Variants in ASXL3 observed in about 807,000 individuals in gnomAD.
ASXL3 encodes putative Polycomb group protein ASXL3.
ASXL3 carries 34 observed loss-of-function variants against 170.6 expected under a neutral mutation model. That is an observed-to-expected ratio of 0.20 (90% CI 0.15 to 0.27). ASXL3 has a LOEUF of 0.27. Ranked by LOEUF, ASXL3 falls within the 10% of genes least tolerant of loss-of-function variation. The probability of loss-of-function intolerance (pLI) is 1.00; values close to 1 mark genes in which losing one functional copy is unlikely to be tolerated. For missense variants in ASXL3, 2,592 were observed against 2,695.3 expected, an observed-to-expected ratio of 0.96 and a Z score of 0.85; for synonymous variants, 1,002 against 989.1, an observed-to-expected ratio of 1.01 and a Z score of -0.24.
intron 4 of ASXL3, among the ~76,000 whole-genome samples, chr18:33,650,672 A>C (rs895500634): frequency 6.6e-6 from 1 of 152,186 alleles, no homozygotes; most frequent in African/African-American, 2.4e-5. Context: ...GTGAATAGGC[A>C]CTTCACCAAA....
Position 33,709,330 on chromosome 18 carries a change from C to T in ASXL3, c.880-22638C>T, listed in dbSNP as rs935204801. Among the ~76,000 whole-genome samples the T allele has an allele frequency of 4.0e-5, 6 of 150,346 alleles. No homozygotes were observed. The South Asian group carries it at 1.3e-3, about 31-fold the overall frequency. ...AAAAAAAAAACAACAAAAACATGAG[C>T]AGAAAAGTTATAGCTATAGTGTTCA... is the stretch of plus-strand genomic sequence containing the variant. On this transcript the variant is annotated intron_variant, in intron 8 of 11. Transcript: ENST00000269197.
intron 2 of ASXL3, among the ~76,000 whole-genome samples, chr18:33,611,131 G>A (rs930380049): frequency 3.3e-5 from 5 of 151,938 alleles, no homozygotes; most frequent in African/African-American, 9.7e-5. Context: ...TTTTCATGTA[G>A]ACATGATAAA....
In ASXL3 at chr18:33,590,966, A is replaced by G. The variant is rs575144408; in HGVS notation, c.54+12281A>G. 8.5e-5 allele frequency among the ~76,000 whole-genome samples: 13 copies of G among 152,334 alleles called. No individual in the cohort carries two copies. The South Asian group carries it at 2.5e-3, about 29-fold the overall frequency. ...AAGTAAATATTTTTATTCACTGTCT[A>G]AAATGCCCAAGAAGAACCTTTATTG... On this transcript the variant is annotated intron_variant, in intron 1 of 11. Transcript: ENST00000269197.
chr18:33,674,399 T>C lies in ASXL3; in HGVS notation c.715+2533T>C, dbSNP rs143127328. Among the ~76,000 whole-genome samples, 322 of 152,318 alleles carry C rather than the reference T, an allele frequency of 2.1e-3. 3 individuals are homozygous for C. In the Middle Eastern group the frequency reaches 0.024, roughly 11 times the overall value. ...GAAGGTGAGATTTAAAATAAGCCAGTTGAAGTACAATTCTGTCAAAAATAA... is the reference window on the plus strand; with the variant it reads ...GAAGGTGAGATTTAAAATAAGCCAGCTGAAGTACAATTCTGTCAAAAATAA... On this transcript the variant is annotated intron_variant, in intron 7 of 11. Transcript: ENST00000269197.
chr18:33,612,330 G>A (rs1426459898), intron 2 of ASXL3, among the ~76,000 whole-genome samples: 1 of 152,022 alleles, frequency 6.6e-6, no homozygotes, highest in East Asian at 1.9e-4. Context: ...TTCATCAACT[G>A]TTTAAAGAGA....
At position 33,710,823 on chromosome 18, in the gene ASXL3, A is replaced by G. The variant is rs140939110; in HGVS notation, c.880-21145A>G. Among the ~76,000 whole-genome samples, 3 of 152,162 alleles carry G rather than the reference A, an allele frequency of 2.0e-5. No homozygotes were observed. The East Asian group carries it at 5.8e-4, about 29-fold the overall frequency. On this transcript the variant is annotated intron_variant, in intron 8 of 11. Coordinates refer to ENST00000269197, the MANE Select transcript of ASXL3 (RefSeq NM_030632.3). ...GTTAAAATATATGCACTTTCATTTC[A>G]CTTGATCATATTAAACTTCTAATTT...
intron 2 of ASXL3, among the ~76,000 whole-genome samples, chr18:33,613,983 A>G (rs1025455012): frequency 3.3e-5 from 5 of 152,096 alleles, no homozygotes; most frequent in African/African-American, 1.2e-4. Context: ...TTGCTGGTAG[A>G]GAGAGTCTTG....
chr18:33,579,834 G>A (rs1401909501), intron 1 of ASXL3, among the ~76,000 whole-genome samples: 7 of 152,036 alleles, frequency 4.6e-5, no homozygotes, highest in South Asian at 2.1e-4. Context: ...GGAGGGGGGA[G>A]CAGGACGTGT....
intron 2 of ASXL3, among the ~76,000 whole-genome samples, chr18:33,617,931 C>T (rs1052493040): frequency 6.6e-6 from 1 of 151,922 alleles, no homozygotes; most frequent in South Asian, 2.1e-4. Flanking sequence ...AATTTTTTTT[C>T]TAAGTGGAGC....
chr18:33,735,999 C>A (rs1415061068), intron 10 of ASXL3, among the ~76,000 whole-genome samples: 2 of 94,470 alleles, frequency 2.1e-5, no homozygotes, highest in South Asian at 6.2e-4. Context: ...AAGAGCTTTG[C>A]AAATATTTCA....
At chr18:33,604,704 T>C (rs1266598810) in intron 1 of ASXL3, among the ~76,000 whole-genome samples, 2 of 151,966 alleles carry the variant, frequency 1.3e-5, no homozygotes, top group Non-Finnish European at 2.9e-5. Flanking sequence ...GGGTCCAAGC[T>C]CTCTCATCTC....
At chr18:33,701,884 C>G (rs1021893861) in intron 8 of ASXL3, among the ~76,000 whole-genome samples, 1 of 151,862 alleles carries the variant, frequency 6.6e-6, no homozygotes, top group African/African-American at 2.4e-5. Flanking sequence ...ATGTCTGTTC[C>G]TTATTTAAAT....
Position 33,748,446 on chromosome 18 carries a change from G to A in ASXL3, c.*1851G>A, listed in dbSNP as rs955965602. ...AGAAAGAAAGAAAAGGCCTGCTGCT[G>A]TAGCCATGATTTTGGTGCTTCAGTA... On this transcript the variant is annotated 3_prime_UTR_variant, in exon 12 of 12. Transcript: ENST00000269197. 3 of 152,190 alleles carry A rather than the reference G, an allele frequency of 2.0e-5. No individual in the cohort carries two copies. Among genetic ancestry groups the A allele is most frequent in the African/African-American group, 7.2e-5 (3 of 41,438 alleles). 9.4% of individuals were successfully genotyped at this position (152,190 alleles called of 1,614,324 possible).
At chr18:33,690,670 TCTTA>T (rs2066672849) in intron 8 of ASXL3, among the ~76,000 whole-genome samples, 2 of 152,168 alleles carry the variant, frequency 1.3e-5, no homozygotes, top group African/African-American at 4.8e-5. Flanking sequence ...CATAGATGTC[TCTTA>T]CTTCTCCGAC....
At chr18:33,684,004 G>T (rs891477053) in intron 8 of ASXL3, among the ~76,000 whole-genome samples, 3 of 152,104 alleles carry the variant, frequency 2.0e-5, no homozygotes, top group Non-Finnish European at 4.4e-5. Context: ...CTCTCTGAGA[G>T]TCTATCAGTA....
Position 33,608,132 on chromosome 18 carries a change from T to C in ASXL3, c.137+456T>C, listed in dbSNP as rs544583210. On this transcript the variant is annotated intron_variant, in intron 2 of 11. Coordinates refer to ENST00000269197, the MANE Select transcript of ASXL3 (RefSeq NM_030632.3). ...GAACTCTACTTGGTGCATCCCGTAATAGCTGTTGAGCCTAATATTTATCCT... is the reference window on the plus strand; with the variant it reads ...GAACTCTACTTGGTGCATCCCGTAACAGCTGTTGAGCCTAATATTTATCCT... 1.2e-4 allele frequency among the ~76,000 whole-genome samples: 19 copies of C among 152,154 alleles called. No homozygotes were observed. In the South Asian group the frequency reaches 3.7e-3, roughly 30 times the overall value.
At chr18:33,697,832 T>G (rs2145318333) in intron 8 of ASXL3, among the ~76,000 whole-genome samples, 1 of 104,190 alleles carries the variant, frequency 9.6e-6, no homozygotes, top group Middle Eastern at 4.5e-3. Flanking sequence ...AATGAGACTC[T>G]GTCTCTCAAA....
chr18:33,734,446 C>G (rs746744856), intron 10 of ASXL3, 31 bp downstream of exon 10: 23 of 1,397,088 alleles, frequency 1.6e-5, no homozygotes, highest in Middle Eastern at 1.9e-4. Flanking sequence ...TCTCATTTCT[C>G]TGAGAAAGAA....
chr18:33,744,045 T>G lies in ASXL3; in HGVS notation c.4197T>G (p.Asp1399Glu), dbSNP rs373391251. The change falls in exon 12 of 12, where the codon GAT becomes GAG. Residue 1399 changes from aspartate to glutamate, a missense_variant. Transcript: ENST00000269197. ...TGAGAGCAGCCCTCAGCTGCAGTGA[T>G]TCTGTAGCGGTCACAGACTCTCTGG... Reference protein sequence around the residue: ...TTVRAALSCSDSVAVTDSLVA... With the variant: ...TTVRAALSCSESVAVTDSLVA... 6.2e-7 allele frequency: 1 copy of G among 1,613,928 alleles called. No homozygotes were observed. Among genetic ancestry groups the G allele is most frequent in the Non-Finnish European group, 8.5e-7 (1 of 1,179,914 alleles).
Sources: gnomAD v4.1 joint callset for allele counts (sites outside exome capture counted in the v4.1 genomes callset) on GRCh38, gnomAD v4.1.1 for gene constraint, MANE v1.5 for transcripts, NCBI Gene and HGNC (gene_info 2026-07-23, HGNC 2026-07-21) for gene names.